The following KIAA0825 variants were observed in gnomAD, a reference collection of about 807,000 sequenced individuals.
The protein encoded by KIAA0825 is uncharacterized protein KIAA0825.
KIAA0825 carries 119 observed loss-of-function variants against 147.6 expected under a neutral mutation model. The ratio of observed to expected loss-of-function variants is 0.81; its 90% CI spans 0.69 to 0.94. The LOEUF (loss-of-function observed/expected upper bound fraction) is 0.94, where lower values mean the gene tolerates loss of function less well. Ranked by LOEUF, KIAA0825 falls within the 40% of genes least tolerant of loss-of-function variation. The probability of loss-of-function intolerance (pLI) is 0.00; values close to 1 mark genes in which losing one functional copy is unlikely to be tolerated. For missense variants in KIAA0825, 1,381 were observed against 1,472.7 expected, an observed-to-expected ratio of 0.94 and a Z score of 1.02; for synonymous variants, 470 against 518.1, an observed-to-expected ratio of 0.91 and a Z score of 1.26.
intron 20 of KIAA0825, among the ~76,000 whole-genome samples, chr5:94,337,206 T>C (rs1018771740): frequency 3.9e-5 from 6 of 152,102 alleles, no homozygotes; most frequent in African/African-American, 9.7e-5. Context: ...AAAAATGAGA[T>C]TGTATATTCA....
intron 2 of KIAA0825, among the ~76,000 whole-genome samples, chr5:94,573,241 GA>G (rs1780308608): frequency 6.7e-6 from 1 of 149,970 alleles, no homozygotes; most frequent in Admixed American, 6.7e-5. Context: ...TAAGATAAAA[GA>G]TTATGGAGAC....
At chr5:94,477,036 T>G in intron 7 of KIAA0825, 75 bp downstream of exon 7, 1 of 1,064,860 alleles carries the variant, frequency 9.4e-7, no homozygotes, top group Non-Finnish European at 1.4e-6. Flanking sequence ...CAAGACATCT[T>G]GATTCATAAT....
chr5:94,195,215 A>C (rs775928149), intron 20 of KIAA0825, among the ~76,000 whole-genome samples: 2 of 152,206 alleles, frequency 1.3e-5, no homozygotes, highest in Non-Finnish European at 2.9e-5. Context: ...TCTGGGTTAT[A>C]GTTAAATCCT....
At chr5:94,328,374 A>G (rs541331895) in intron 20 of KIAA0825, among the ~76,000 whole-genome samples, 134 of 152,232 alleles carry the variant, frequency 8.8e-4, no homozygotes, top group African/African-American at 3.1e-3. Flanking sequence ...CTTTGATAGT[A>G]TTTATAGGCT....
rs565845730 is a variant in KIAA0825 at position 94,342,808 on chromosome 5, G to A, written c.3710+41560C>T. ...GTAAGAAAAAAATCATATTAAAAAT[G>A]TGCTAATAATTAAAAATGAATGCAT... is the stretch of plus-strand genomic sequence containing the variant. On this transcript the variant is annotated intron_variant, in intron 20 of 20. Transcript: ENST00000682413. Among the ~76,000 whole-genome samples the A allele has an allele frequency of 1.5e-4, 23 of 152,098 alleles. 1 individual carries two copies. In the South Asian group the frequency reaches 4.6e-3, roughly 30 times the overall value.
chr5:94,386,246 C>T lies in KIAA0825; in HGVS notation c.3615G>A (p.Gln1205=), dbSNP rs1562444271. ...YKAFSENMLD[Q]VSITKWNWNW... ...AATTTACCATTTAATTTCCACATAC[C>T]TGATCTAGCATGTTTTCACTAAACG... Residue 1205 remains glutamine (Q), a synonymous_variant, in exon 19 of 21, where the codon CAG becomes CAA. Coordinates refer to ENST00000682413, the MANE Select transcript of KIAA0825 (RefSeq NM_001145678.3). 1 of 1,542,010 alleles carries T rather than the reference C, an allele frequency of 6.5e-7. No homozygotes were observed. Among genetic ancestry groups the T allele is most frequent in the Admixed American group, 2.1e-5 (1 of 48,254 alleles).
chr5:94,582,381 C>T (rs533548899), intron 2 of KIAA0825, 52 bp downstream of exon 2: 116 of 152,274 alleles, frequency 7.6e-4, no homozygotes, highest in African/African-American at 2.7e-3. Flanking sequence ...TTCAAGGAAA[C>T]TGAGTAGGCA....
At chr5:94,476,043 A>T (rs987185368) in intron 7 of KIAA0825, among the ~76,000 whole-genome samples, 1 of 152,112 alleles carries the variant, frequency 6.6e-6, no homozygotes, top group Admixed American at 6.5e-5. Flanking sequence ...TTGAATCTCT[A>T]TTTCTATTAT....
At chr5:94,395,839 C>T (rs1479604594) in intron 17 of KIAA0825, among the ~76,000 whole-genome samples, 1 of 152,140 alleles carries the variant, frequency 6.6e-6, no homozygotes, top group East Asian at 1.9e-4. Context: ...AACTACCACC[C>T]TTTTAATCAG....
At chr5:94,198,231 G>A (rs1465996196) in intron 20 of KIAA0825, among the ~76,000 whole-genome samples, 1 of 151,980 alleles carries the variant, frequency 6.6e-6, no homozygotes, top group African/African-American at 2.4e-5. Flanking sequence ...CTCGGAATGG[G>A]ATTGCATTCC....
chr5:94,543,792 A>C (rs1773807185), intron 2 of KIAA0825, among the ~76,000 whole-genome samples: 1 of 152,148 alleles, frequency 6.6e-6, no homozygotes, highest in Non-Finnish European at 1.5e-5. Flanking sequence ...AATCCATCAA[A>C]ACCAAGATGG....
chr5:94,190,316 T>C (rs1158866651), intron 20 of KIAA0825, among the ~76,000 whole-genome samples: 1 of 150,888 alleles, frequency 6.6e-6, no homozygotes, highest in African/African-American at 2.4e-5. Flanking sequence ...TACGATGTTT[T>C]TTGTTTGTTT....
intron 3 of KIAA0825, among the ~76,000 whole-genome samples, chr5:94,530,236 A>C (rs1391725500): frequency 2.2e-5 from 3 of 134,670 alleles, no homozygotes; most frequent in African/African-American, 5.9e-5. Context: ...GCACCATTGC[A>C]CTCCAGCCTG....
chr5:94,556,991 C>T (rs2152277825), intron 2 of KIAA0825, among the ~76,000 whole-genome samples: 1 of 152,306 alleles, frequency 6.6e-6, no homozygotes, highest in South Asian at 2.1e-4. Context: ...GACAATCTTC[C>T]TAAATAGCAC....
At chr5:94,314,965 C>T (rs1779511953) in intron 20 of KIAA0825, among the ~76,000 whole-genome samples, 1 of 151,088 alleles carries the variant, frequency 6.6e-6, no homozygotes. Context: ...TGACGTTGCT[C>T]TCTCTCTCAT....
At chr5:94,537,219 T>G (rs1772219354) in intron 2 of KIAA0825, 92 bp from the exon 3 acceptor site, 2 of 909,284 alleles carry the variant, frequency 2.2e-6, no homozygotes, top group East Asian at 2.7e-5. Flanking sequence ...GTTGTGATAC[T>G]AAACCAAAAA....
At chr5:94,469,262 C>T (rs1419613763) in intron 10 of KIAA0825, among the ~76,000 whole-genome samples, 1 of 151,932 alleles carries the variant, frequency 6.6e-6, no homozygotes, top group Non-Finnish European at 1.5e-5. Context: ...TCTACGCCTC[C>T]CGGGTTCAAG....
chr5:94,530,129 G>C (rs1455239639), intron 3 of KIAA0825, among the ~76,000 whole-genome samples: 1 of 151,940 alleles, frequency 6.6e-6, no homozygotes, highest in Non-Finnish European at 1.5e-5. Flanking sequence ...AAATTAGCCA[G>C]GTGTGCTGGC....
At chr5:94,569,316 T>C (rs1441485403) in intron 2 of KIAA0825, 6 of 337,020 alleles carry the variant, frequency 1.8e-5, no homozygotes, top group Non-Finnish European at 2.8e-5. Context: ...ATTAAACCTA[T>C]ACAACCTCCC....
Sources: allele counts gnomAD v4.1 joint callset (sites outside exome capture counted in the v4.1 genomes callset), GRCh38; gene constraint gnomAD v4.1.1; transcripts MANE v1.5; gene names NCBI Gene and HGNC (gene_info 2026-07-23, HGNC 2026-07-21).